Variants in KCNB2 observed in about 807,000 individuals in gnomAD.
KCNB2 encodes potassium voltage-gated channel subfamily B member 2.
A neutral mutation model predicts 61.5 loss-of-function variants in KCNB2; 15 were observed. The observed-to-expected ratio is 0.24, with a 90% CI of 0.16 to 0.38. The LOEUF (loss-of-function observed/expected upper bound fraction) is 0.38. KCNB2 is among the 10% of genes least tolerant of loss of function. The probability of loss-of-function intolerance (pLI) is 1.00; values close to 1 mark genes in which losing one functional copy is unlikely to be tolerated. For synonymous variants in KCNB2, 457 were observed against 446.0 expected (o/e 1.02, Z -0.31); for missense variants, 828 against 1,125.2 (o/e 0.74, Z 3.78).
chr8:72,579,169 C>T (rs765877523), intron 2 of KCNB2, among the ~76,000 whole-genome samples: 18 of 152,260 alleles, frequency 1.2e-4, no homozygotes, highest in South Asian at 8.3e-4. Flanking sequence ...CTGCCTGCTC[C>T]GCTCAGAGCC....
At chr8:72,848,995 T>C (rs1810046547) in intron 2 of KCNB2, among the ~76,000 whole-genome samples, 1 of 150,490 alleles carries the variant, frequency 6.6e-6, no homozygotes, top group Non-Finnish European at 1.5e-5. Context: ...TATTTTTAAG[T>C]ATTTTCATCA....
intron 2 of KCNB2, among the ~76,000 whole-genome samples, chr8:72,745,793 C>T (rs903328887): frequency 3.9e-5 from 6 of 152,092 alleles, no homozygotes; most frequent in Non-Finnish European, 7.4e-5. Flanking sequence ...AGCTCCCACC[C>T]TTTAATCACA....
intron 2 of KCNB2, among the ~76,000 whole-genome samples, chr8:72,722,097 A>C (rs1807558823): frequency 6.6e-6 from 1 of 152,110 alleles, no homozygotes; most frequent in Non-Finnish European, 1.5e-5. Context: ...GCTATCATCA[A>C]ATCCTGTACA....
chr8:72,653,649 T>C lies in KCNB2; in HGVS notation c.579+85336T>C, dbSNP rs546517636. ...ACCTGCCGCTTGTTTCTATGAAGTTTGATTGGAGTACAGCCAAGCCCATAT... is the reference window on the plus strand; with the variant it reads ...ACCTGCCGCTTGTTTCTATGAAGTTCGATTGGAGTACAGCCAAGCCCATAT... On this transcript the variant is annotated intron_variant, in intron 2 of 2. Transcript: ENST00000523207. Among the ~76,000 whole-genome samples the C allele has an allele frequency of 8.5e-5, 13 of 152,274 alleles. No homozygotes were observed. In the South Asian group the frequency reaches 2.5e-3, roughly 29 times the overall value.
intron 2 of KCNB2, among the ~76,000 whole-genome samples, chr8:72,608,800 C>T (rs556730180): frequency 2.4e-4 from 37 of 152,202 alleles, no homozygotes; most frequent in Non-Finnish European, 4.1e-4. Context: ...TGAATTAACT[C>T]GAAACTAGTA....
At chr8:72,598,493 C>A (rs1197717148) in intron 2 of KCNB2, among the ~76,000 whole-genome samples, 2 of 152,182 alleles carry the variant, frequency 1.3e-5, no homozygotes, top group Non-Finnish European at 2.9e-5. Context: ...CAGCCAATAT[C>A]ATACTGAATG....
chr8:72,798,640 C>T (rs961915371), intron 2 of KCNB2, among the ~76,000 whole-genome samples: 1 of 152,040 alleles, frequency 6.6e-6, no homozygotes, highest in African/African-American at 2.4e-5. Flanking sequence ...GAAAACTTCC[C>T]CTGGCTCATT....
At chr8:72,665,290 G>T (rs1287829366) in intron 2 of KCNB2, among the ~76,000 whole-genome samples, 1 of 152,074 alleles carries the variant, frequency 6.6e-6, no homozygotes, top group African/African-American at 2.4e-5. Context: ...CTGGTATAGG[G>T]CTTGACTGGA....
At chr8:72,793,482 G>A (rs1348349620) in intron 2 of KCNB2, among the ~76,000 whole-genome samples, 1 of 152,100 alleles carries the variant, frequency 6.6e-6, no homozygotes, top group Non-Finnish European at 1.5e-5. Context: ...ATACCACGAA[G>A]GAAAGCAAGA....
intron 2 of KCNB2, among the ~76,000 whole-genome samples, chr8:72,845,067 T>C (rs1211255857): frequency 2.0e-5 from 3 of 152,242 alleles, no homozygotes; most frequent in African/African-American, 7.2e-5. Context: ...TTTCCTCATC[T>C]TCTTGGATTT....
At chr8:72,882,556 A>AGAGAGAG (rs10691208) in intron 2 of KCNB2, among the ~76,000 whole-genome samples, 27 of 142,792 alleles carry the variant, frequency 1.9e-4, no homozygotes, top group South Asian at 9.0e-4. Flanking sequence ...AGAGAGAGAG[A>AGAGAGAG]ATGTGTGTCT....
In KCNB2 at chr8:72,937,026, C is replaced by G. The variant is rs750795115; in HGVS notation, c.1671C>G (p.Asn557Lys). ...AGACACAGCCTCATTCTCACCCAAA[C>G]CCAGACTGCCAAGAAAAGCCTGAGA... is the stretch of plus-strand genomic sequence containing the variant. Reference protein sequence around the residue: ...ITKTQPHSHPNPDCQEKPERP... With the variant: ...ITKTQPHSHPKPDCQEKPERP... The change falls in exon 3 of 3, where the codon AAC becomes AAG. Residue 557 changes from asparagine (N) to lysine (K), a missense_variant. Physicochemically the swap from Asn to Lys is moderately conservative, Grantham distance 94. Around this residue, in one of 4 missense-constraint regions of KCNB2, gnomAD observed 559 missense variants for 588.4 expected, o/e 0.95. Coordinates refer to ENST00000523207, the MANE Select transcript of KCNB2 (RefSeq NM_004770.3). 6.2e-7 allele frequency: 1 copy of G among 1,614,082 alleles called. No homozygotes were observed. Among genetic ancestry groups the G allele is most frequent in the East Asian group, 2.2e-5 (1 of 44,864 alleles).
intron 2 of KCNB2, among the ~76,000 whole-genome samples, chr8:72,930,198 A>G (rs956614400): frequency 2.6e-5 from 4 of 151,506 alleles, no homozygotes; most frequent in Non-Finnish European, 5.9e-5. Context: ...CTAGTCTATC[A>G]TTGTTGGACA....
rs1379888349 is a variant in KCNB2 at position 72,920,472 on chromosome 8, T to G, written c.580-15463T>G. Among the ~76,000 whole-genome samples, 8 of 93,508 alleles carry G rather than the reference T, an allele frequency of 8.6e-5. 1 individual carries two copies. The highest frequency in any genetic ancestry group is 4.4e-4 in the African/African-American group (8 of 18,382). The allele number at this position is 93,508 out of a possible 152,430, so 61.3% of individuals were successfully genotyped here. ...ATCTATCTATCTATCTATCTATCTA[T>G]CTATATATATATATATTAGCTGGCC... On this transcript the variant is annotated intron_variant, in intron 2 of 2. Transcript: ENST00000523207.
At chr8:72,854,520 G>A (rs1810173396) in intron 2 of KCNB2, among the ~76,000 whole-genome samples, 1 of 152,138 alleles carries the variant, frequency 6.6e-6, no homozygotes, top group Non-Finnish European at 1.5e-5. Context: ...AGAACACTGT[G>A]CCAAGAATCT....
intron 2 of KCNB2, among the ~76,000 whole-genome samples, chr8:72,934,394 C>CAAAAAAAAAAAA (rs11392513): frequency 1.2e-5 from 1 of 83,850 alleles, no homozygotes; most frequent in East Asian, 3.5e-4. Context: ...TCACCCCCCG[C>CAAAAAAAAAAAA]AAAAAAAAAA....
chr8:72,728,108 G>C (rs1209315936), intron 2 of KCNB2, among the ~76,000 whole-genome samples: 1 of 152,172 alleles, frequency 6.6e-6, no homozygotes, highest in Non-Finnish European at 1.5e-5. Context: ...AAACCTTGCA[G>C]AAGAATGGAG....
chr8:72,768,968 C>T (rs1808514672), intron 2 of KCNB2, among the ~76,000 whole-genome samples: 1 of 152,038 alleles, frequency 6.6e-6, no homozygotes, highest in Non-Finnish European at 1.5e-5. Flanking sequence ...CAAGACCAGC[C>T]TGACCAACAT....
intron 2 of KCNB2, among the ~76,000 whole-genome samples, chr8:72,646,608 G>A (rs1806133285): frequency 6.6e-6 from 1 of 152,160 alleles, no homozygotes; most frequent in Admixed American, 6.5e-5. Context: ...TGTGTTGCGT[G>A]AAATAGGTCA....
Sources: gnomAD v4.1 joint callset for allele counts (sites outside exome capture counted in the v4.1 genomes callset) on GRCh38, gnomAD v4.1.1 for gene constraint, gnomAD v4.1.1 regional missense constraint, MANE v1.5 for transcripts, NCBI Gene and HGNC (gene_info 2026-07-23, HGNC 2026-07-21) for gene names.